SLC35F1: variants seen among roughly 807,000 people sequenced by gnomAD.
SLC35F1 encodes chromosome 6 open reading frame 169.
In SLC35F1, 14 loss-of-function variants were observed where a neutral mutation model predicts 48.7. The ratio of observed to expected loss-of-function variants is 0.29; its 90% CI spans 0.19 to 0.45. SLC35F1 has a LOEUF of 0.45. Among genes scored for constraint, SLC35F1 ranks in the 20% least tolerant of loss-of-function variants. The pLI is 1.00. For missense variants in SLC35F1, 404 were observed against 500.0 expected (o/e 0.81, Z 1.83); for synonymous variants, 190 against 202.2 (o/e 0.94, Z 0.51).
At chr6:118,268,298 T>C (rs1021757280) in intron 4 of SLC35F1, among the ~76,000 whole-genome samples, 2 of 151,960 alleles carry the variant, frequency 1.3e-5, no homozygotes, top group African/African-American at 4.8e-5. Flanking sequence ...GAGCTGAAGA[T>C]ACAACATAGA....
intron 1 of SLC35F1, among the ~76,000 whole-genome samples, chr6:118,076,482 A>C (rs917896197): frequency 1.6e-4 from 24 of 152,188 alleles, no homozygotes; most frequent in Admixed American, 2.6e-4. Context: ...CAATCATGGC[A>C]GAAGGCAAAG....
chr6:118,279,856 C>T (rs982757341), intron 6 of SLC35F1, among the ~76,000 whole-genome samples: 3 of 152,208 alleles, frequency 2.0e-5, no homozygotes, highest in Admixed American at 6.5e-5. Context: ...TCTGCCTCCC[C>T]ACTTTCCACA....
At chr6:118,093,776 C>A (rs1249856467) in intron 1 of SLC35F1, among the ~76,000 whole-genome samples, 1 of 152,150 alleles carries the variant, frequency 6.6e-6, no homozygotes, top group Non-Finnish European at 1.5e-5. Flanking sequence ...AGGACCAAAT[C>A]CTAAGACTCC....
intron 1 of SLC35F1, among the ~76,000 whole-genome samples, chr6:117,956,420 T>C (rs980123762): frequency 1.3e-5 from 2 of 152,220 alleles, no homozygotes; most frequent in Non-Finnish European, 1.5e-5. Flanking sequence ...TTTGATGTGC[T>C]GTTGAACTGC....
At chr6:118,240,393 C>G (rs1775423417) in intron 3 of SLC35F1, among the ~76,000 whole-genome samples, 1 of 152,174 alleles carries the variant, frequency 6.6e-6, no homozygotes, top group Non-Finnish European at 1.5e-5. Context: ...ATAACAGAAG[C>G]CTGGAGTCCC....
chr6:118,097,208 C>T (rs535178328), intron 1 of SLC35F1, among the ~76,000 whole-genome samples: 159 of 152,312 alleles, frequency 1.0e-3, no homozygotes, highest in African/African-American at 3.7e-3. Context: ...ATTGGACTCC[C>T]ACCTCACTTT....
chr6:117,919,643 T>C (rs910848733), intron 1 of SLC35F1, among the ~76,000 whole-genome samples: 33 of 152,210 alleles, frequency 2.2e-4, no homozygotes, highest in African/African-American at 7.7e-4. Context: ...ACTAGGACAC[T>C]AGGCTGTTTA....
rs535872250 is a variant in SLC35F1, at chr6:117,994,413, C to T, written c.173+86514C>T. Among the ~76,000 whole-genome samples, 33 of 152,198 alleles carry T rather than the reference C, an allele frequency of 2.2e-4. 1 individual carries two copies. The highest frequency in any genetic ancestry group is 6.7e-4 in the African/African-American group (28 of 41,512). On this transcript the variant is annotated intron_variant, in intron 1 of 7. Coordinates refer to ENST00000360388, the MANE Select transcript of SLC35F1 (RefSeq NM_001029858.4). ...CATTCCATTTGCAAAGTCCCTTTTG[C>T]CATATAACATAACATATTCCAGGGA... is the stretch of plus-strand genomic sequence containing the variant.
chr6:117,926,892 G>A lies in SLC35F1; in HGVS notation c.173+18993G>A, dbSNP rs142937679. On this transcript the variant is annotated intron_variant, in intron 1 of 7. Coordinates refer to ENST00000360388, the MANE Select transcript of SLC35F1 (RefSeq NM_001029858.4). ...CCAGGTAGGAGACAGTTGCAGAGGA[G>A]AAATGGAGAGTTATGATGTACTCTA... Among the ~76,000 whole-genome samples the A allele has an allele frequency of 1.3e-3, 195 of 152,226 alleles. 2 individuals are homozygous for A. In the East Asian group the frequency reaches 0.03, roughly 23 times the overall value.
chr6:118,159,180 C>G (rs914265700), intron 2 of SLC35F1, among the ~76,000 whole-genome samples: 1 of 131,292 alleles, frequency 7.6e-6, no homozygotes, highest in Non-Finnish European at 1.5e-5. Flanking sequence ...GAGATCGCGC[C>G]ACTGCACTCC....
At chr6:117,989,516 T>C (rs985043550) in intron 1 of SLC35F1, among the ~76,000 whole-genome samples, 4 of 152,196 alleles carry the variant, frequency 2.6e-5, no homozygotes, top group Admixed American at 6.5e-5. Flanking sequence ...TCTCAAACAT[T>C]TAATCTTGGG....
chr6:118,292,249 C>A (rs1776133687), intron 7 of SLC35F1, among the ~76,000 whole-genome samples: 1 of 152,188 alleles, frequency 6.6e-6, no homozygotes, highest in Admixed American at 6.5e-5. Context: ...CAGGGTTAGA[C>A]CCCTGGTTCA....
intron 3 of SLC35F1, among the ~76,000 whole-genome samples, chr6:118,265,576 A>AT (rs1562344455): frequency 2.0e-5 from 3 of 152,188 alleles, no homozygotes; most frequent in African/African-American, 7.2e-5. Flanking sequence ...AGGAGTGTAC[A>AT]TAAGTGAAGG....
intron 1 of SLC35F1, among the ~76,000 whole-genome samples, chr6:117,997,638 G>A (rs991192545): frequency 6.6e-6 from 1 of 152,180 alleles, no homozygotes; most frequent in African/African-American, 2.4e-5. Context: ...TTAAAGAAAA[G>A]AATTTTCAAC....
At chr6:118,106,099 T>C (rs985801694) in intron 1 of SLC35F1, among the ~76,000 whole-genome samples, 8 of 152,106 alleles carry the variant, frequency 5.3e-5, no homozygotes, top group African/African-American at 1.9e-4. Context: ...CAACTAAGTA[T>C]TGGTAATATA....
chr6:118,293,583 G>A (rs1336055003), intron 7 of SLC35F1, among the ~76,000 whole-genome samples: 2 of 152,046 alleles, frequency 1.3e-5, no homozygotes, highest in African/African-American at 4.8e-5. Flanking sequence ...AATATCTTTG[G>A]GGGATTATCA....
intron 1 of SLC35F1, among the ~76,000 whole-genome samples, chr6:117,910,610 A>C (rs559803091): frequency 6.6e-6 from 1 of 152,268 alleles, no homozygotes; most frequent in East Asian, 1.9e-4. Flanking sequence ...TGACATGCAG[A>C]TATATGGTTA....
At chr6:118,062,837 T>C (rs979482445) in intron 1 of SLC35F1, among the ~76,000 whole-genome samples, 2 of 152,246 alleles carry the variant, frequency 1.3e-5, no homozygotes, top group South Asian at 2.1e-4. Context: ...AAAAACCAAC[T>C]CCTAAAGTCT....
At chr6:118,034,016 G>A (rs780799818) in intron 1 of SLC35F1, among the ~76,000 whole-genome samples, 1 of 152,164 alleles carries the variant, frequency 6.6e-6, no homozygotes, top group Non-Finnish European at 1.5e-5. Context: ...AGGTCAGAAT[G>A]GCTGCAGATG....
Sources: gnomAD v4.1 joint callset for allele counts (sites outside exome capture counted in the v4.1 genomes callset) on GRCh38, gnomAD v4.1.1 for gene constraint, MANE v1.5 for transcripts, NCBI Gene and HGNC (gene_info 2026-07-23, HGNC 2026-07-21) for gene names.